SCHIP1: variants seen among roughly 807,000 people sequenced by gnomAD.
The protein encoded by SCHIP1 is schwannomin-interacting protein 1.
In SCHIP1, 8 loss-of-function variants were observed where a neutral mutation model predicts 29.7. The ratio of observed to expected loss-of-function variants is 0.27; its 90% confidence interval spans 0.16 to 0.49. The LOEUF is 0.49. Ranked by LOEUF, SCHIP1 falls within the 20% of genes least tolerant of loss-of-function variation. The pLI, the probability that SCHIP1 is intolerant of heterozygous loss-of-function variation, is 0.99. For missense variants in SCHIP1, 193 were observed against 294.6 expected (o/e 0.66, Z 2.52); for synonymous variants, 76 against 94.9 (o/e 0.80, Z 1.16).
At chr3:159,362,485 C>G in the SCHIP1 span, among the ~76,000 whole-genome samples, 1 of 152,164 alleles carries the variant, frequency 6.6e-6, no homozygotes, top group African/African-American at 2.4e-5. Flanking sequence ...TGGAATAAGT[C>G]AGATCTTTCA....
At chr3:159,779,233 G>C in the SCHIP1 span, among the ~76,000 whole-genome samples, 1 of 152,290 alleles carries the variant, frequency 6.6e-6, no homozygotes, top group Non-Finnish European at 1.5e-5. Flanking sequence ...GCATAGAAAA[G>C]GGTTTGGGAC....
At chr3:159,804,050 T>C in the SCHIP1 span, among the ~76,000 whole-genome samples, 1 of 152,190 alleles carries the variant, frequency 6.6e-6, no homozygotes. Context: ...ATGACCCTTT[T>C]GATGTTTCTT....
the SCHIP1 span, among the ~76,000 whole-genome samples, chr3:159,383,107 T>C: frequency 2.1e-3 from 322 of 150,402 alleles, no homozygotes; most frequent in African/African-American, 7.5e-3. Flanking sequence ...AGCTCTTTAG[T>C]TTAATTAGGT....
chr3:159,816,484 A>G, the SCHIP1 span, among the ~76,000 whole-genome samples: 2 of 151,234 alleles, frequency 1.3e-5, no homozygotes, highest in South Asian at 4.2e-4. Context: ...TTTGTTGCCC[A>G]GGCTGGTCTC....
chr3:159,440,123 T>TA, the SCHIP1 span, among the ~76,000 whole-genome samples: 12 of 152,184 alleles, frequency 7.9e-5, no homozygotes, highest in Admixed American at 2.0e-4. Context: ...TGCATATGGC[T>TA]AGCTAGTTCT....
intron 5 of SCHIP1, among the ~76,000 whole-genome samples, chr3:159,891,354 G>A (rs1022379336): frequency 2.0e-5 from 3 of 151,858 alleles, no homozygotes; most frequent in Admixed American, 6.6e-5. Flanking sequence ...CTGGGCGGCA[G>A]AGTGAGATTC....
the SCHIP1 span, among the ~76,000 whole-genome samples, chr3:159,723,606 C>G: frequency 6.6e-6 from 1 of 152,138 alleles, no homozygotes; most frequent in Non-Finnish European, 1.5e-5. Context: ...TTTAGATAGG[C>G]TATGTTTATT....
the SCHIP1 span, among the ~76,000 whole-genome samples, chr3:159,399,422 G>A: frequency 7.6e-3 from 1,161 of 152,214 alleles, 15 homozygotes; most frequent in African/African-American, 0.027. Flanking sequence ...AAGGATCTTT[G>A]TCTGTTCACT....
intron 2 of SCHIP1, among the ~76,000 whole-genome samples, chr3:159,867,479 C>T (rs1714741000): frequency 6.6e-6 from 1 of 152,208 alleles, no homozygotes; most frequent in East Asian, 1.9e-4. Flanking sequence ...CAGACACATG[C>T]TCACATATAC....
the SCHIP1 span, among the ~76,000 whole-genome samples, chr3:159,714,286 G>A: frequency 6.6e-6 from 1 of 152,060 alleles, no homozygotes; most frequent in African/African-American, 2.4e-5. Flanking sequence ...GGCCGAATAG[G>A]AACAGCTCCA....
At chr3:159,495,196 C>T in the SCHIP1 span, among the ~76,000 whole-genome samples, 1 of 152,194 alleles carries the variant, frequency 6.6e-6, no homozygotes, top group Non-Finnish European at 1.5e-5. Flanking sequence ...AAAACTGGCA[C>T]AAGACAGGGA....
chr3:159,772,028 C>G, the SCHIP1 span, among the ~76,000 whole-genome samples: 1 of 152,182 alleles, frequency 6.6e-6, no homozygotes, highest in Non-Finnish European at 1.5e-5. Context: ...TCCATCCCTT[C>G]CTGCTCTGCC....
chr3:159,417,632 G>T, the SCHIP1 span, among the ~76,000 whole-genome samples: 1 of 152,168 alleles, frequency 6.6e-6, no homozygotes. Context: ...AACTTACAGG[G>T]CATGGCACTC....
chr3:159,712,564 A>C, the SCHIP1 span, among the ~76,000 whole-genome samples: 1 of 151,506 alleles, frequency 6.6e-6, no homozygotes, highest in African/African-American at 2.4e-5. Context: ...AAAAAAAAAA[A>C]TTAATTAGCA....
chr3:159,293,714 T>A, the SCHIP1 span, among the ~76,000 whole-genome samples: 1 of 152,140 alleles, frequency 6.6e-6, no homozygotes, highest in African/African-American at 2.4e-5. Context: ...TGTCCTGATA[T>A]CAGATTAGCT....
At chr3:159,389,945 C>T in the SCHIP1 span, among the ~76,000 whole-genome samples, 2 of 151,918 alleles carry the variant, frequency 1.3e-5, no homozygotes, top group South Asian at 2.1e-4. Flanking sequence ...TAAATACAAT[C>T]GACTTGGGCC....
At chr3:159,528,398 A>T in the SCHIP1 span, among the ~76,000 whole-genome samples, 1 of 151,920 alleles carries the variant, frequency 6.6e-6, no homozygotes, top group East Asian at 1.9e-4. Flanking sequence ...TCAAGATGCT[A>T]CTCCTGATCC....
chr3:159,685,566 A>G, the SCHIP1 span, among the ~76,000 whole-genome samples: 15 of 152,218 alleles, frequency 9.9e-5, no homozygotes, highest in African/African-American at 3.6e-4. Flanking sequence ...AAATATCTCT[A>G]CAACCCTTAT....
the SCHIP1 span, among the ~76,000 whole-genome samples, chr3:159,671,522 T>C: frequency 3.3e-5 from 5 of 152,154 alleles, no homozygotes; most frequent in African/African-American, 1.2e-4. Flanking sequence ...GTGCACTCAA[T>C]AAAGATTTTT....
Sources: allele counts gnomAD v4.1 joint callset (sites outside exome capture counted in the v4.1 genomes callset), GRCh38; gene constraint gnomAD v4.1.1; transcripts MANE v1.5; gene names NCBI Gene and HGNC (gene_info 2026-07-23, HGNC 2026-07-21).